Variants in ZDHHC21 observed in about 807,000 individuals in gnomAD.
The protein encoded by ZDHHC21 is palmitoyltransferase ZDHHC21.
In ZDHHC21, 15 loss-of-function variants were observed where a neutral mutation model predicts 34.6. That is an observed-to-expected ratio of 0.43 (90% CI 0.29 to 0.67). The LOEUF is 0.67. ZDHHC21 is among the 30% of genes least tolerant of loss of function. ZDHHC21 has a pLI of 0.14. For missense variants in ZDHHC21, 344 were observed against 327.7 expected, an observed-to-expected ratio of 1.05 and a Z score of -0.38; for synonymous variants, 142 against 101.8, an observed-to-expected ratio of 1.40 and a Z score of -2.38.
chr9:14,638,229 A>G (rs988422980), intron 8 of ZDHHC21, among the ~76,000 whole-genome samples: 1 of 152,102 alleles, frequency 6.6e-6, no homozygotes, highest in African/African-American at 2.4e-5. Context: ...ATAAATTCAT[A>G]TATTTACAGC....
chr9:14,683,782 C>G (rs1051715558), intron 2 of ZDHHC21: 2 of 152,254 alleles, frequency 1.3e-5, no homozygotes, highest in African/African-American at 2.4e-5. Flanking sequence ...CCCTGATGTA[C>G]ATCGATGCAA....
At chr9:14,597,217 C>T in the ZDHHC21 span, among the ~76,000 whole-genome samples, 1 of 152,114 alleles carries the variant, frequency 6.6e-6, no homozygotes, top group East Asian at 1.9e-4. Flanking sequence ...CAGCTCCCAC[C>T]AGACTACATT....
chr9:14,631,985 A>G (rs1382956469), intron 8 of ZDHHC21, among the ~76,000 whole-genome samples: 1 of 152,110 alleles, frequency 6.6e-6, no homozygotes, highest in African/African-American at 2.4e-5. Flanking sequence ...AGGTAAGCAC[A>G]CACTGTTGGG....
At chr9:14,604,531 C>G in the ZDHHC21 span, among the ~76,000 whole-genome samples, 1 of 152,054 alleles carries the variant, frequency 6.6e-6, no homozygotes, top group Admixed American at 6.6e-5. Flanking sequence ...GGGAGGAAAA[C>G]TGCAGGTTGA....
rs1029533594 is a variant in ZDHHC21 at position 14,613,676 on chromosome 9, G to A, written c.*5290C>T. Reference sequence around the variant, plus strand: ...AGATATTCAAAATACCAATAGAAATGGAGACCTTCGAGGTATCAAGAACTC... The same window carrying A: ...AGATATTCAAAATACCAATAGAAATAGAGACCTTCGAGGTATCAAGAACTC... On this transcript the variant is annotated 3_prime_UTR_variant, in exon 10 of 10. Transcript: ENST00000380916. 5 of 151,744 alleles carry A rather than the reference G, an allele frequency of 3.3e-5. No homozygotes were observed. Among genetic ancestry groups the A allele is most frequent in the Admixed American group, 2.0e-4 (3 of 15,208 alleles). The allele number at this position is 151,744 out of a possible 1,614,324, so 9.4% of individuals were successfully genotyped here. A position where few individuals can be genotyped will look rare whatever the true frequency, so the allele number is the denominator to read the frequency against.
the ZDHHC21 span, among the ~76,000 whole-genome samples, chr9:14,599,383 G>A: frequency 6.6e-6 from 1 of 152,084 alleles, no homozygotes; most frequent in Non-Finnish European, 1.5e-5. Context: ...AAGCTGTGAG[G>A]GACTGTGCCA....
In ZDHHC21 at chr9:14,618,473, A is replaced by G. The variant is rs978888937; in HGVS notation, c.*493T>C. On this transcript the variant is annotated 3_prime_UTR_variant, in exon 10 of 10. Transcript: ENST00000380916. ...TGCATTTTTAAAAACGTTGCAGCAC[A>G]TTTAAAAGGAAAGGTTATTTTAAAT... The G allele has an allele frequency of 2.0e-5, 3 of 152,588 alleles. No homozygotes were observed. The highest frequency in any genetic ancestry group is 4.4e-5 in the Non-Finnish European group (3 of 68,044). The allele number at this position is 152,588 out of a possible 1,614,324, so 9.5% of individuals were successfully genotyped here. A position where few individuals can be genotyped will look rare whatever the true frequency, so the allele number is the denominator to read the frequency against.
chr9:14,594,442 A>T, the ZDHHC21 span, among the ~76,000 whole-genome samples: 1 of 152,218 alleles, frequency 6.6e-6, no homozygotes, highest in Non-Finnish European at 1.5e-5. Flanking sequence ...TTGCCAAAAC[A>T]ATTCAATGGG....
chr9:14,655,448 T>C (rs1028483277), intron 7 of ZDHHC21, among the ~76,000 whole-genome samples: 3 of 151,926 alleles, frequency 2.0e-5, no homozygotes, highest in African/African-American at 7.2e-5. Context: ...AGGTAACATA[T>C]AACTTGTATA....
chr9:14,683,111 T>A (rs1221979748), intron 2 of ZDHHC21, among the ~76,000 whole-genome samples: 1 of 151,736 alleles, frequency 6.6e-6, no homozygotes, highest in Non-Finnish European at 1.5e-5. Flanking sequence ...CACCCTAACA[T>A]CACAATTAAA....
At chr9:14,677,749 C>T (rs1218869847) in intron 3 of ZDHHC21, among the ~76,000 whole-genome samples, 1 of 152,050 alleles carries the variant, frequency 6.6e-6, no homozygotes, top group Non-Finnish European at 1.5e-5. Flanking sequence ...TATAATTTAA[C>T]TCTAATAAAC....
At chr9:14,596,367 TG>T in the ZDHHC21 span, among the ~76,000 whole-genome samples, 1 of 152,230 alleles carries the variant, frequency 6.6e-6, no homozygotes, top group African/African-American at 2.4e-5. Flanking sequence ...GTTGTTGGTA[TG>T]AAGAGGTGGG....
At chr9:14,625,841 A>G (rs184969992) in intron 8 of ZDHHC21, among the ~76,000 whole-genome samples, 7 of 152,094 alleles carry the variant, frequency 4.6e-5, no homozygotes, top group Admixed American at 4.6e-4. Context: ...AGTCCTAAAT[A>G]TGTAAACCAT....
chr9:14,635,862 A>AT (rs1055939435), intron 8 of ZDHHC21, among the ~76,000 whole-genome samples: 11 of 152,288 alleles, frequency 7.2e-5, no homozygotes, highest in African/African-American at 2.6e-4. Context: ...CTCTGTCTCA[A>AT]TTTTTTTATA....
At chr9:14,678,707 A>C (rs1319049935) in intron 3 of ZDHHC21, among the ~76,000 whole-genome samples, 1 of 152,106 alleles carries the variant, frequency 6.6e-6, no homozygotes, top group African/African-American at 2.4e-5. Context: ...ATATACAGAC[A>C]AGGATGTACA....
Position 14,618,253 on chromosome 9 carries a change from A to T in ZDHHC21, c.*713T>A, listed in dbSNP as rs575689453. 18 of 152,674 alleles carry T rather than the reference A, an allele frequency of 1.2e-4. No individual in the cohort carries two copies. Among genetic ancestry groups the T allele is most frequent in the African/African-American group, 4.1e-4 (17 of 41,572 alleles). The allele number at this position is 152,674 out of a possible 1,614,324, so 9.5% of individuals were successfully genotyped here. A position where few individuals can be genotyped will look rare whatever the true frequency, so the allele number is the denominator to read the frequency against. ...TTTAATCACAATCAATAATTACAAC[A>T]GTAATAGTGAAAATTGAAAAAATTA... On this transcript the variant is annotated 3_prime_UTR_variant, in exon 10 of 10. Coordinates refer to ENST00000380916, the MANE Select transcript of ZDHHC21 (RefSeq NM_178566.6).
intron 7 of ZDHHC21, among the ~76,000 whole-genome samples, chr9:14,649,587 T>C (rs902438624): frequency 6.6e-6 from 1 of 152,118 alleles, no homozygotes; most frequent in Non-Finnish European, 1.5e-5. Context: ...AATGTACTTT[T>C]CTCAGTCTTA....
intron 6 of ZDHHC21, among the ~76,000 whole-genome samples, chr9:14,660,513 T>A (rs1833189477): frequency 6.6e-6 from 1 of 152,122 alleles, no homozygotes; most frequent in South Asian, 2.1e-4. Flanking sequence ...AAATTTTCCT[T>A]GCTTCCAATT....
intron 8 of ZDHHC21, among the ~76,000 whole-genome samples, chr9:14,634,184 C>T (rs1017439222): frequency 1.3e-5 from 2 of 152,206 alleles, no homozygotes; most frequent in African/African-American, 2.4e-5. Flanking sequence ...GGCACCCACA[C>T]ATGCCACCTG....
Sources: allele counts gnomAD v4.1 joint callset (sites outside exome capture counted in the v4.1 genomes callset), GRCh38; gene constraint gnomAD v4.1.1; transcripts MANE v1.5; gene names NCBI Gene and HGNC (gene_info 2026-07-23, HGNC 2026-07-21).